MPP7: variants seen among roughly 807,000 people sequenced by gnomAD.
MPP7 encodes MAGUK p55 scaffold protein 7.
In MPP7, 60 loss-of-function variants were observed where a neutral mutation model predicts 76.5. The ratio of observed to expected loss-of-function variants is 0.78; its 90% CI spans 0.64 to 0.97. The LOEUF is 0.97. MPP7 is among the 50% of genes least tolerant of loss of function. The pLI is 0.00. For missense variants in MPP7, 641 were observed against 694.0 expected, an observed-to-expected ratio of 0.92 and a Z score of 0.86; for synonymous variants, 237 against 244.5, an observed-to-expected ratio of 0.97 and a Z score of 0.29.
intron 2 of MPP7, 23 bp downstream of exon 2, chr10:28,238,545 C>T: frequency 6.2e-7 from 1 of 1,612,860 alleles, no homozygotes; most frequent in South Asian, 1.1e-5. Flanking sequence ...GGAATGAGAA[C>T]TGCCCCTCTT....
intron 2 of MPP7, among the ~76,000 whole-genome samples, chr10:28,310,539 T>G (rs1456077315): frequency 6.6e-6 from 1 of 152,182 alleles, no homozygotes; most frequent in Non-Finnish European, 1.5e-5. Context: ...CATAAACATG[T>G]GCATATGCAG....
chr10:28,285,291 T>A (rs898338106), intron 1 of MPP7, among the ~76,000 whole-genome samples: 8 of 152,174 alleles, frequency 5.3e-5, no homozygotes, highest in Admixed American at 1.3e-4. Context: ...TTAAAATGAT[T>A]CTCCTGCCTC....
chr10:28,191,984 CG>C (rs757488919), intron 3 of MPP7, among the ~76,000 whole-genome samples: 136 of 151,956 alleles, frequency 8.9e-4, no homozygotes, highest in Non-Finnish European at 1.4e-3. Context: ...ATTAGCCAGG[CG>C]TAGTGACGCA....
intron 1 of MPP7, among the ~76,000 whole-genome samples, chr10:28,279,494 C>T (rs757851307): frequency 2.0e-5 from 3 of 151,768 alleles, no homozygotes; most frequent in Non-Finnish European, 2.9e-5. Context: ...TTTGGGAGGC[C>T]GAGGCGGGTG....
intron 4 of MPP7, among the ~76,000 whole-genome samples, chr10:28,149,253 G>A (rs1350170703): frequency 1.3e-5 from 2 of 152,100 alleles, no homozygotes; most frequent in East Asian, 1.9e-4. Flanking sequence ...ATAAGCTACG[G>A]GTTATCACTA....
intron 1 of MPP7, among the ~76,000 whole-genome samples, chr10:28,288,529 C>G (rs1262210021): frequency 6.6e-5 from 10 of 152,160 alleles, no homozygotes; most frequent in Admixed American, 6.5e-4. Context: ...GAATGAGCCA[C>G]CACACCCAGC....
intron 1 of MPP7, among the ~76,000 whole-genome samples, chr10:28,251,479 A>G (rs956186034): frequency 2.6e-5 from 4 of 152,184 alleles, no homozygotes; most frequent in African/African-American, 9.6e-5. Context: ...AATTAAAAAA[A>G]TAAAATAAAA....
intron 2 of MPP7, among the ~76,000 whole-genome samples, chr10:28,228,195 T>C (rs534606545): frequency 1.3e-5 from 2 of 152,132 alleles, no homozygotes; most frequent in East Asian, 3.9e-4. Flanking sequence ...AAGAAAAAAA[T>C]GTTAACATGA....
At chr10:28,073,994 A>G (rs1365299424) in intron 12 of MPP7, among the ~76,000 whole-genome samples, 1 of 152,130 alleles carries the variant, frequency 6.6e-6, no homozygotes. Context: ...TCTCCTTCAT[A>G]ATACTTAAAA....
intron 12 of MPP7, among the ~76,000 whole-genome samples, chr10:28,080,544 T>A (rs575499991): frequency 6.6e-6 from 1 of 152,206 alleles, no homozygotes; most frequent in South Asian, 2.1e-4. Flanking sequence ...ATTATAAATA[T>A]GGTTTTGGTC....
chr10:28,314,973 C>T (rs1481049411), intron 2 of MPP7, among the ~76,000 whole-genome samples: 1 of 151,976 alleles, frequency 6.6e-6, no homozygotes, highest in Non-Finnish European at 1.5e-5. Context: ...CATAGCAAGA[C>T]CCAATATCTA....
chr10:28,208,074 A>G (rs1386098101), intron 2 of MPP7, among the ~76,000 whole-genome samples: 1 of 152,162 alleles, frequency 6.6e-6, no homozygotes, highest in African/African-American at 2.4e-5. Flanking sequence ...CTAGGACTGA[A>G]GGAGATTTTT....
intron 5 of MPP7, among the ~76,000 whole-genome samples, chr10:28,146,367 G>A (rs1275175559): frequency 6.6e-6 from 1 of 151,672 alleles, no homozygotes; most frequent in Non-Finnish European, 1.5e-5. Context: ...ATAGGGATTA[G>A]GGTTTATAGT....
chr10:28,235,970 A>G (rs1288368935), intron 2 of MPP7, among the ~76,000 whole-genome samples: 16 of 152,222 alleles, frequency 1.1e-4, no homozygotes, highest in Admixed American at 9.8e-4. Flanking sequence ...TGAAGAGATG[A>G]ATCACAGAGG....
At chr10:28,296,785 G>GT (rs953960905) in intron 1 of MPP7, among the ~76,000 whole-genome samples, 2 of 152,100 alleles carry the variant, frequency 1.3e-5, no homozygotes, top group African/African-American at 2.4e-5. Context: ...AACATCTTGG[G>GT]TTTTTTTGTT....
intron 5 of MPP7, among the ~76,000 whole-genome samples, chr10:28,138,853 T>A (rs1268047859): frequency 3.3e-5 from 5 of 152,228 alleles, no homozygotes; most frequent in Non-Finnish European, 5.9e-5. Flanking sequence ...GAATAAAAAT[T>A]CCACCAAACA....
At chr10:28,237,963 A>ATG (rs1839132752) in intron 2 of MPP7, among the ~76,000 whole-genome samples, 1 of 151,896 alleles carries the variant, frequency 6.6e-6, no homozygotes, top group Non-Finnish European at 1.5e-5. Context: ...TTATGTACAC[A>ATG]TGTGTGTGTG....
chr10:28,263,725 G>A lies in MPP7; in HGVS notation c.-131-24990C>T, dbSNP rs939128689. Reference sequence around the variant, plus strand: ...GAGAGGAGCGGCATATCTCAGCTCAGAAGCAGACGGAGGAGCTGCAGCTGA... The same window carrying A: ...GAGAGGAGCGGCATATCTCAGCTCAAAAGCAGACGGAGGAGCTGCAGCTGA... On this transcript the variant is annotated intron_variant, in intron 1 of 16. Coordinates refer to ENST00000683449, the MANE Select transcript of MPP7 (RefSeq NM_001318170.2). Among the ~76,000 whole-genome samples the A allele has an allele frequency of 2.0e-5, 3 of 152,202 alleles. 1 individual carries two copies. Among genetic ancestry groups the A allele is most frequent in the Non-Finnish European group, 4.4e-5 (3 of 68,042 alleles).
chr10:28,158,909 C>T (rs1836162726), intron 3 of MPP7, among the ~76,000 whole-genome samples: 1 of 152,156 alleles, frequency 6.6e-6, no homozygotes, highest in South Asian at 2.1e-4. Context: ...AACAGAAGAA[C>T]TGGATCTCCT....
Sources: gnomAD v4.1 joint callset for allele counts (sites outside exome capture counted in the v4.1 genomes callset) on GRCh38, gnomAD v4.1.1 for gene constraint, MANE v1.5 for transcripts, NCBI Gene and HGNC (gene_info 2026-07-23, HGNC 2026-07-21) for gene names.